TEF: variants seen among roughly 807,000 people sequenced by gnomAD.
TEF encodes TEF transcription factor, PAR bZIP family member.
Under a neutral mutation model 20.8 loss-of-function variants are expected in TEF, and 3 were observed. The observed-to-expected ratio is 0.14, with a 90% confidence interval of 0.07 to 0.37. The LOEUF is 0.37. TEF is among the 10% of genes least tolerant of loss of function. TEF has a pLI of 1.00. For missense variants in TEF, 296 were observed against 397.9 expected (o/e 0.74, Z 2.18); for synonymous variants, 180 against 171.1 (o/e 1.05, Z -0.41).
chr22:41,385,890 G>A (rs1380289216), intron 1 of TEF, among the ~76,000 whole-genome samples: 1 of 152,014 alleles, frequency 6.6e-6, no homozygotes. Context: ...TCACCATGTT[G>A]GCCAGGCTGG....
Position 41,395,811 on chromosome 22 carries a change from C to T in TEF, c.763C>T (p.Arg255Cys). Residue 255 changes from arginine to cysteine, a missense_variant, in exon 4 of 4, where the codon CGC (arginine) becomes TGC (cysteine). Arg to Cys is a radical substitution (Grantham distance 180). Coordinates refer to ENST00000266304, the MANE Select transcript of TEF (RefSeq NM_003216.4). ...VAAKRSRDAR[R>C]LKENQITIRA... Reference sequence around the variant, plus strand: ...AGCTAAACGGTCACGGGATGCCCGGCGCCTGAAAGAGAATCAGATCACCAT... The same window carrying T: ...AGCTAAACGGTCACGGGATGCCCGGTGCCTGAAAGAGAATCAGATCACCAT... 3 of 1,614,168 alleles carry T rather than the reference C, an allele frequency of 1.9e-6. No individual in the cohort carries two copies. The highest frequency in any genetic ancestry group is 2.5e-6 in the Non-Finnish European group (3 of 1,180,022).
At chr22:41,372,135 CT>C (rs2145961265) in intron 1 of TEF, among the ~76,000 whole-genome samples, 1 of 152,256 alleles carries the variant, frequency 6.6e-6, no homozygotes, top group African/African-American at 2.4e-5. Context: ...CTCACTGCCT[CT>C]TTCTAAATGG....
upstream of TEF, among the ~76,000 whole-genome samples, chr22:41,381,388 G>A (rs1409829996): frequency 1.4e-5 from 2 of 147,158 alleles, no homozygotes; most frequent in East Asian, 2.1e-4. Flanking sequence ...GGCTGTTCCC[G>A]CGCCTTCCTC....
At chr22:41,393,101 G>C (rs950133428) in intron 2 of TEF, among the ~76,000 whole-genome samples, 3 of 151,946 alleles carry the variant, frequency 2.0e-5, no homozygotes, top group Non-Finnish European at 4.4e-5. Flanking sequence ...AGCACTTTCA[G>C]AGGCTGAAGC....
chr22:41,386,879 A>C (rs2037103866), intron 1 of TEF, among the ~76,000 whole-genome samples: 1 of 151,824 alleles, frequency 6.6e-6, no homozygotes, highest in Non-Finnish European at 1.5e-5. Flanking sequence ...CCCCATCTCT[A>C]CTAAAAATAC....
intron 1 of TEF, among the ~76,000 whole-genome samples, chr22:41,372,794 T>G (rs1002350424): frequency 6.6e-6 from 1 of 151,522 alleles, no homozygotes; most frequent in Non-Finnish European, 1.5e-5. Context: ...AGGACCAGCC[T>G]CTCCCAGGGA....
intron 1 of TEF, chr22:41,369,311 C>G: frequency 1.1e-6 from 1 of 942,398 alleles, no homozygotes; most frequent in Non-Finnish European, 1.3e-6. Context: ...GGGGACCGCC[C>G]AAGGTTTCAG....
At chr22:41,387,329 A>G (rs1194920841) in intron 1 of TEF, 22 bp from the exon 2 acceptor site, 2 of 1,613,066 alleles carry the variant, frequency 1.2e-6, no homozygotes, top group East Asian at 2.2e-5. Flanking sequence ...GTGGTATTTC[A>G]TCGCAGATTT....
Position 41,375,609 on chromosome 22 carries a change from G to A in TEF, c.67+8010G>A, listed in dbSNP as rs56660236. 0.035 allele frequency among the ~76,000 whole-genome samples: 5,239 copies of A among 151,656 alleles called. 639 individuals carry two copies. In the East Asian group the frequency reaches 0.45, roughly 13 times the overall value. On this transcript the variant is annotated intron_variant, in intron 1 of 3. Coordinates refer to the TEF transcript ENST00000406644. The stretch of plus-strand genomic sequence containing the variant: ...ACTATAAATACAAAAAAATTAGCCG[G>A]GCTACTTGGGAGGCTGAGACAGGAG...
At position 41,367,935 on chromosome 22, in the gene TEF, C is replaced by G. The variant is rs987977558; in HGVS notation, c.67+336C>G. On this transcript the variant is annotated intron_variant, in intron 1 of 3. Transcript: ENST00000406644. The stretch of plus-strand genomic sequence containing the variant: ...CTGACTGCTTTTGAAGCTCCCTCCC[C>G]CTGTACGCTGGGGGTGGCAGAGGAG... 3.3e-5 allele frequency among the ~76,000 whole-genome samples: 5 copies of G among 152,252 alleles called. No homozygotes were observed. In the East Asian group the frequency reaches 9.6e-4, roughly 29 times the overall value.
intron 1 of TEF, among the ~76,000 whole-genome samples, chr22:41,374,087 T>C (rs1179485252): frequency 2.0e-5 from 3 of 151,910 alleles, no homozygotes; most frequent in Admixed American, 6.6e-5. Context: ...TACAACAAAG[T>C]AAGCTACAGA....
chr22:41,371,237 G>C (rs997767214), intron 1 of TEF, among the ~76,000 whole-genome samples: 1 of 152,242 alleles, frequency 6.6e-6, no homozygotes, highest in Non-Finnish European at 1.5e-5. Flanking sequence ...CATGCTTAGA[G>C]ACACCTCCTC....
chr22:41,394,403 GAGCC>G, intron 3 of TEF, 87 bp downstream of exon 3: 3 of 1,284,588 alleles, frequency 2.3e-6, no homozygotes, highest in Non-Finnish European at 3.2e-6. Flanking sequence ...TTTATCTGGA[GAGCC>G]TTCCCTCCTT....
At chr22:41,384,164 A>T (rs1293357776) in intron 1 of TEF, among the ~76,000 whole-genome samples, 3 of 152,166 alleles carry the variant, frequency 2.0e-5, no homozygotes, top group African/African-American at 7.2e-5. Context: ...ACTTAATCAT[A>T]TTTGATTTCT....
intron 1 of TEF, chr22:41,369,828 C>G (rs2036860182): frequency 1.1e-6 from 1 of 894,556 alleles, no homozygotes; most frequent in Non-Finnish European, 1.3e-6. Flanking sequence ...CAGGGATGCC[C>G]TCAGGTCCGC....
chr22:41,395,563 C>A (rs1042000158), intron 3 of TEF, among the ~76,000 whole-genome samples, 182 bp from the exon 4 acceptor site: 3 of 152,106 alleles, frequency 2.0e-5, no homozygotes, highest in Non-Finnish European at 4.4e-5. Flanking sequence ...TGTTTCTCGT[C>A]CTGCCCCCGA....
rs567148687 is a variant in TEF, at chr22:41,376,311, A to T, written c.67+8712A>T. On this transcript the variant is annotated intron_variant, in intron 1 of 3. Transcript: ENST00000406644. ...AAGTGCAGTGGCGCAATCTCGGCTC[A>T]CCGCAACTTCCGCCTCCTGGGTTCA... 2.0e-5 allele frequency among the ~76,000 whole-genome samples: 3 copies of T among 152,306 alleles called. No homozygotes were observed. The East Asian group carries it at 5.8e-4, about 29-fold the overall frequency.
At chr22:41,384,705 G>T (rs1435700963) in intron 1 of TEF, among the ~76,000 whole-genome samples, 1 of 152,118 alleles carries the variant, frequency 6.6e-6, no homozygotes, top group Non-Finnish European at 1.5e-5. Flanking sequence ...CTTTCAGTGA[G>T]CCCACAGTAA....
intron 1 of TEF, among the ~76,000 whole-genome samples, chr22:41,385,634 T>G (rs1258726822): frequency 6.6e-6 from 1 of 152,190 alleles, no homozygotes; most frequent in African/African-American, 2.4e-5. Flanking sequence ...TCCATTTCCC[T>G]CCTTGTAGTC....
Sources: gnomAD v4.1 joint callset for allele counts (sites outside exome capture counted in the v4.1 genomes callset) on GRCh38, gnomAD v4.1.1 for gene constraint, MANE v1.5 for transcripts, NCBI Gene and HGNC (gene_info 2026-07-23, HGNC 2026-07-21) for gene names.